The following PGAP1 variants were observed in gnomAD, a reference collection of about 807,000 sequenced individuals.
PGAP1 encodes the protein post-GPI attachment to proteins inositol deacylase 1.
In PGAP1, 76 loss-of-function variants were observed where a neutral mutation model predicts 127.0. That is an observed-to-expected ratio of 0.60 (90% CI 0.50 to 0.72). The LOEUF (loss-of-function observed/expected upper bound fraction) is 0.72. Ranked by LOEUF, PGAP1 falls within the 30% of genes least tolerant of loss-of-function variation. PGAP1 has a pLI of 0.00. For missense variants in PGAP1, 982 were observed against 1,071.3 expected (o/e 0.92, Z 1.16); for synonymous variants, 362 against 366.5 (o/e 0.99, Z 0.14).
rs1700401739 is a variant in PGAP1 at position 196,841,217 on chromosome 2, A to G, written c.*17T>C. The stretch of plus-strand genomic sequence containing the variant: ...CCTAAACACATAAATTATCTTCATC[A>G]TTCCTTAAGTCCAATCTTACATAAA... On this transcript the variant is annotated 3_prime_UTR_variant, in exon 27 of 27. Coordinates refer to ENST00000354764, the MANE Select transcript of PGAP1 (RefSeq NM_024989.4). 6.2e-7 allele frequency: 1 copy of G among 1,606,958 alleles called. No individual in the cohort carries two copies. Among genetic ancestry groups the G allele is most frequent in the African/African-American group, 1.3e-5 (1 of 74,514 alleles).
chr2:196,916,634 AC>A, intron 2 of PGAP1, 41 bp from the exon 3 acceptor site: 3 of 1,522,490 alleles, frequency 2.0e-6, no homozygotes, highest in Non-Finnish European at 2.6e-6. Flanking sequence ...AACAATATTT[AC>A]AGGTTTCATC....
chr2:196,865,212 C>A, intron 19 of PGAP1, 132 bp from the exon 20 acceptor site: 1 of 554,910 alleles, frequency 1.8e-6, no homozygotes, highest in Admixed American at 4.1e-5. Context: ...TAATAAGTAT[C>A]AAAAACTCTA....
rs532676913 is a variant in PGAP1 at position 196,893,608 on chromosome 2, T to TA, written c.928-364dup. 4.4e-3 allele frequency among the ~76,000 whole-genome samples: 665 copies of TA among 152,334 alleles called. 3 individuals carry two copies. Among genetic ancestry groups the TA allele is most frequent in the Non-Finnish European group, 7.4e-3 (502 of 68,034 alleles). On this transcript the variant is annotated intron_variant, in intron 7 of 26. Coordinates refer to ENST00000354764, the MANE Select transcript of PGAP1 (RefSeq NM_024989.4). The stretch of plus-strand genomic sequence containing the variant: ...AAGAATAAAACATTATAAAAATGTA[T>TA]AGAACCAGAAGAGAATTTTAGAGAT...
chr2:196,880,546 C>T (rs929782706), intron 12 of PGAP1, among the ~76,000 whole-genome samples: 1 of 152,008 alleles, frequency 6.6e-6, no homozygotes, highest in Non-Finnish European at 1.5e-5. Flanking sequence ...TAACACAAAA[C>T]ATTCAATAGC....
At chr2:196,918,084 T>C (rs1703073944) in intron 2 of PGAP1, among the ~76,000 whole-genome samples, 1 of 152,220 alleles carries the variant, frequency 6.6e-6, no homozygotes, top group South Asian at 2.1e-4. Context: ...TGACTTATGA[T>C]GTTTTAGCAT....
chr2:196,878,511 T>C (rs921994142), intron 13 of PGAP1, among the ~76,000 whole-genome samples: 5 of 152,120 alleles, frequency 3.3e-5, no homozygotes, highest in Non-Finnish European at 5.9e-5. Flanking sequence ...TTTTTAGAGT[T>C]TGGATTTTTG....
In PGAP1 at chr2:196,836,683, T is replaced by C. The variant is rs1056196011; in HGVS notation, c.*4551A>G. 1 of 142,410 alleles carries C rather than the reference T, an allele frequency of 7.0e-6. No individual in the cohort carries two copies. Among genetic ancestry groups the C allele is most frequent in the African/African-American group, 2.9e-5 (1 of 34,776 alleles). The allele number at this position is 142,410 out of a possible 1,614,324, so 8.8% of individuals were successfully genotyped here. A position where few individuals can be genotyped will look rare whatever the true frequency, so the allele number is the denominator to read the frequency against. ...AAAGTTCATTACAGAATTTAAAACA[T>C]TCTTAGTTCAAAAAAAAACTGGAAT... On this transcript the variant is annotated 3_prime_UTR_variant, in exon 27 of 27. Transcript: ENST00000354764.
intron 20 of PGAP1, among the ~76,000 whole-genome samples, chr2:196,859,866 A>G (rs1173263499): frequency 6.6e-6 from 1 of 152,186 alleles, no homozygotes; most frequent in African/African-American, 2.4e-5. Context: ...ACCTCAAAAC[A>G]ATAAAGGCCA....
intron 20 of PGAP1, among the ~76,000 whole-genome samples, chr2:196,854,960 C>CT (rs1204441230): frequency 0.017 from 2,406 of 143,768 alleles, 38 homozygotes; most frequent in African/African-American, 0.035. Flanking sequence ...TCTTTTTAAA[C>CT]TTTTTTTTTT....
chr2:196,912,935 GTAA>G lies in PGAP1; in HGVS notation c.593_595del (p.Ile198del). 1 of 1,613,778 alleles carries G rather than the reference GTAA, an allele frequency of 6.2e-7. No homozygotes were observed. Among genetic ancestry groups the G allele is most frequent in the Non-Finnish European group, 8.5e-7 (1 of 1,179,886 alleles). On this transcript the variant is annotated inframe_deletion, in exon 4 of 27. Coordinates refer to ENST00000354764, the MANE Select transcript of PGAP1 (RefSeq NM_024989.4). ...AGGAGCAACATGAGGTGTGGCTTGT[GTAA>G]TAAGAAGATTTATCAGATCATGCTT... is the stretch of plus-strand genomic sequence containing the variant.
chr2:196,867,902 G>A (rs775842744), intron 19 of PGAP1, among the ~76,000 whole-genome samples: 7 of 152,174 alleles, frequency 4.6e-5, no homozygotes, highest in Non-Finnish European at 1.0e-4. Context: ...TTACAGCTCT[G>A]CATGGAAGGT....
intron 19 of PGAP1, among the ~76,000 whole-genome samples, chr2:196,869,406 G>A (rs956629273): frequency 6.6e-6 from 1 of 152,060 alleles, no homozygotes; most frequent in African/African-American, 2.4e-5. Context: ...CGCGATCTCT[G>A]CTCACTGCAA....
At chr2:196,845,352 ATTT>A (rs60546102) in intron 23 of PGAP1, among the ~76,000 whole-genome samples, 77 of 144,876 alleles carry the variant, frequency 5.3e-4, no homozygotes, top group African/African-American at 1.9e-3. Context: ...TACCTCCTGG[ATTT>A]TTTTTTTTTT....
chr2:196,911,811 G>A (rs980424931), intron 4 of PGAP1, among the ~76,000 whole-genome samples: 4 of 152,000 alleles, frequency 2.6e-5, no homozygotes, highest in East Asian at 3.9e-4. Context: ...ATTCTGTGAC[G>A]TTATCACTAT....
At chr2:196,895,325 C>T (rs995455639) in intron 7 of PGAP1, among the ~76,000 whole-genome samples, 11 of 152,052 alleles carry the variant, frequency 7.2e-5, no homozygotes, top group Admixed American at 4.6e-4. Flanking sequence ...TAGGAATATA[C>T]CTGTCTGACG....
chr2:196,851,503 A>C (rs1278299646), intron 20 of PGAP1, among the ~76,000 whole-genome samples: 1 of 152,168 alleles, frequency 6.6e-6, no homozygotes, highest in East Asian at 1.9e-4. Context: ...ACAATTTACT[A>C]TGACCTGTGG....
intron 20 of PGAP1, among the ~76,000 whole-genome samples, chr2:196,855,300 T>C (rs1305485433): frequency 1.6e-5 from 2 of 128,156 alleles, no homozygotes; most frequent in South Asian, 5.0e-4. Context: ...CACTCTAGCC[T>C]GGCGACAGAG....
At chr2:196,896,311 C>T (rs890704190) in intron 7 of PGAP1, among the ~76,000 whole-genome samples, 4 of 152,104 alleles carry the variant, frequency 2.6e-5, no homozygotes, top group Admixed American at 6.6e-5. Flanking sequence ...TTACACATTT[C>T]GATCTTACCA....
chr2:196,862,789 A>G (rs1701110696), intron 20 of PGAP1, among the ~76,000 whole-genome samples: 1 of 152,286 alleles, frequency 6.6e-6, no homozygotes, highest in East Asian at 1.9e-4. Flanking sequence ...ATGGTGGCCC[A>G]TGCCTGTAAT....
Sources: gnomAD v4.1 joint callset for allele counts (sites outside exome capture counted in the v4.1 genomes callset) on GRCh38, gnomAD v4.1.1 for gene constraint, MANE v1.5 for transcripts, NCBI Gene and HGNC (gene_info 2026-07-23, HGNC 2026-07-21) for gene names.